Variants in EPS8 observed in about 807,000 individuals in gnomAD.
EPS8 encodes the protein epidermal growth factor receptor kinase substrate 8.
EPS8 carries 42 observed loss-of-function variants against 103.8 expected under a neutral mutation model. The ratio of observed to expected loss-of-function variants is 0.40; its 90% CI spans 0.32 to 0.52. The LOEUF (loss-of-function observed/expected upper bound fraction) is 0.52. Ranked by LOEUF, EPS8 falls within the 20% of genes least tolerant of loss-of-function variation. EPS8 has a pLI of 0.40. For missense variants in EPS8, 969 were observed against 1,005.1 expected, an observed-to-expected ratio of 0.96 and a Z score of 0.49; for synonymous variants, 344 against 344.6, an observed-to-expected ratio of 1.00 and a Z score of 0.02.
chr12:15,657,168 A>T (rs1200913768), intron 12 of EPS8, among the ~76,000 whole-genome samples: 1 of 152,166 alleles, frequency 6.6e-6, no homozygotes, highest in African/African-American at 2.4e-5. Flanking sequence ...TGTTGAAGTC[A>T]CAGCTCTACT....
chr12:15,744,065 G>GA (rs1453883328), intron 1 of EPS8, among the ~76,000 whole-genome samples: 4 of 152,030 alleles, frequency 2.6e-5, no homozygotes, highest in African/African-American at 7.3e-5. Flanking sequence ...AAATTTACAA[G>GA]AAAAAATCAA....
At chr12:15,711,784 T>A (rs946439977) in intron 1 of EPS8, among the ~76,000 whole-genome samples, 37 of 152,198 alleles carry the variant, frequency 2.4e-4, no homozygotes, top group Admixed American at 1.2e-3. Flanking sequence ...TATAAGGGTC[T>A]TAAGAAATAA....
In EPS8 at chr12:15,704,204, T is replaced by C. The variant is rs565667796; in HGVS notation, c.-21-21232A>G. ...AAAAAAATCAAGCATAGAATTACTA[T>C]ATGATCCAGCAGTTCTTCTTCTGGG... On this transcript the variant is annotated intron_variant, in intron 1 of 20. Transcript: ENST00000281172. The surrounding 1 kb of genome is among the most constrained non-coding windows in gnomAD (Gnocchi z 4.6). 4.6e-5 allele frequency among the ~76,000 whole-genome samples: 7 copies of C among 152,246 alleles called. No individual in the cohort carries two copies. The South Asian group carries it at 6.2e-4, about 14-fold the overall frequency.
intron 8 of EPS8, among the ~76,000 whole-genome samples, chr12:15,663,106 C>T (rs534078811): frequency 4.6e-5 from 7 of 152,078 alleles, no homozygotes; most frequent in Admixed American, 3.9e-4. Flanking sequence ...GAAATCTTGC[C>T]AGTTAGCTAC....
At chr12:15,730,571 T>TTTA (rs2135991996) in intron 1 of EPS8, among the ~76,000 whole-genome samples, 1 of 152,298 alleles carries the variant, frequency 6.6e-6, no homozygotes, top group Admixed American at 6.5e-5. Flanking sequence ...CGATGGGACT[T>TTTA]TAAGATAGAT....
rs75871705 is a variant in EPS8, at chr12:15,768,134, G to A, written c.-22+21027C>T. ...AACTATTGAATAATAATAAAAGGAG[G>A]GAAATGAGATTTAAGAATTTTAAGG... On this transcript the variant is annotated intron_variant, in intron 1 of 20. Transcript: ENST00000281172. Among the ~76,000 whole-genome samples, 1,239 of 152,090 alleles carry A rather than the reference G, an allele frequency of 8.1e-3. 17 individuals are homozygous for A. The highest frequency in any genetic ancestry group is 0.028 in the African/African-American group (1,155 of 41,492).
chr12:15,649,437 A>G (rs952352479), intron 14 of EPS8, among the ~76,000 whole-genome samples: 4 of 152,198 alleles, frequency 2.6e-5, no homozygotes, highest in African/African-American at 9.6e-5. Flanking sequence ...GTTTGATTAT[A>G]TTTTCTTTCC....
At chr12:15,708,490 T>A (rs1240288093) in intron 1 of EPS8, among the ~76,000 whole-genome samples, 2 of 152,076 alleles carry the variant, frequency 1.3e-5, no homozygotes, top group Non-Finnish European at 2.9e-5. Flanking sequence ...GGAGGGGAAA[T>A]TATAATACAA....
Position 15,623,181 on chromosome 12 carries a change from T to G in EPS8, c.2332A>C (p.Thr778Pro). Residue 778 changes from threonine to proline, a missense_variant, in exon 20 of 21, where the codon ACT becomes CCT. Thr to Pro is a conservative substitution (Grantham distance 38). Coordinates refer to ENST00000281172, the MANE Select transcript of EPS8 (RefSeq NM_004447.6). ...PEGARVYSQI[T>P]VQKAALEDSS... ...ACCTCCAATGCAGCTTTTTGTACAGTGATTTGGCTATAGACTCTCGCCCCT... is the reference window on the plus strand; with the variant it reads ...ACCTCCAATGCAGCTTTTTGTACAGGGATTTGGCTATAGACTCTCGCCCCT... The G allele has an allele frequency of 1.2e-6, 2 of 1,607,762 alleles. No homozygotes were observed. Among genetic ancestry groups the G allele is most frequent in the Non-Finnish European group, 1.7e-6 (2 of 1,178,154 alleles).
chr12:15,643,834 T>C (rs1357001627), intron 15 of EPS8, among the ~76,000 whole-genome samples: 1 of 150,314 alleles, frequency 6.7e-6, no homozygotes, highest in African/African-American at 2.5e-5. Context: ...TTAGGAATAA[T>C]AGATACGCCA....
rs548537633 is a variant in EPS8 at position 15,678,374 on chromosome 12, A to G, written c.136+2852T>C. On this transcript the variant is annotated intron_variant, in intron 3 of 20. Transcript: ENST00000281172. ...ATTAGAAACAAAGAGGAAAGAAACC[A>G]CATCTGCAATTTAAAGCCATCTTAC... Among the ~76,000 whole-genome samples, 15 of 152,314 alleles carry G rather than the reference A, an allele frequency of 9.8e-5. No individual in the cohort carries two copies. In the East Asian group the frequency reaches 2.1e-3, roughly 22 times the overall value.
rs1947207184 is a variant in EPS8 at position 15,776,403 on chromosome 12, T to C, written c.-22+12758A>G. Among the ~76,000 whole-genome samples the C allele has an allele frequency of 6.6e-6, 1 of 152,134 alleles. No individual in the cohort carries two copies. The highest frequency in any genetic ancestry group is 1.5e-5 in the Non-Finnish European group (1 of 68,024). On this transcript the variant is annotated intron_variant, in intron 1 of 20. Coordinates refer to ENST00000281172, the MANE Select transcript of EPS8 (RefSeq NM_004447.6). This position sits in a 1 kb window ranked among gnomAD's most constrained non-coding sequence, Gnocchi z 4.2. ...GAGAGAAAAAAACAGCTGGCTTAGG[T>C]GAGTGACCTACTCTAAAAACCTTCC...
Position 15,621,391 on chromosome 12 carries a change from T to C in EPS8, c.2395A>G (p.Arg799Gly), listed in dbSNP as rs1591793888. 6.2e-7 allele frequency: 1 copy of C among 1,604,984 alleles called. No homozygotes were observed. Among genetic ancestry groups the C allele is most frequent in the African/African-American group, 1.3e-5 (1 of 74,240 alleles). ...GSSELQEIMRRRQEKISAAAS... is the reference protein window; with the variant it reads ...GSSELQEIMRGRQEKISAAAS... ...GCAGCACTGATTTTTTCCTGTCGTC[T>C]TCTCATAATTTCTTGTAACTCGGAG... Residue 799 changes from arginine (R) to glycine (G), a missense_variant, in exon 21 of 21, where the codon AGA becomes GGA. Physicochemically the swap from Arg to Gly is moderately radical, Grantham distance 125 (BLOSUM62 -2). Transcript: ENST00000281172.
At chr12:15,699,367 T>A (rs1380033472) in intron 1 of EPS8, among the ~76,000 whole-genome samples, 1 of 152,196 alleles carries the variant, frequency 6.6e-6, no homozygotes, top group Non-Finnish European at 1.5e-5. Context: ...TTATCCTATC[T>A]CAGCTTCGGT....
intron 1 of EPS8, among the ~76,000 whole-genome samples, chr12:15,754,307 A>G (rs1016931427): frequency 1.3e-5 from 2 of 152,192 alleles, no homozygotes. Flanking sequence ...CCAAAACTGT[A>G]AGCAGAGGAA....
chr12:15,691,527 G>A (rs1946171907), intron 1 of EPS8, among the ~76,000 whole-genome samples: 2 of 152,188 alleles, frequency 1.3e-5, no homozygotes, highest in Admixed American at 1.3e-4. Context: ...CTGGAAGCGG[G>A]AGACATTCGG....
At position 15,728,866 on chromosome 12, in the gene EPS8, A is replaced by ACAAGC. The variant is rs1334313811; in HGVS notation, c.-21-45899_-21-45895dup. 6.6e-6 allele frequency among the ~76,000 whole-genome samples: 1 copy of ACAAGC among 152,238 alleles called. No individual in the cohort carries two copies. The highest frequency in any genetic ancestry group is 1.5e-5 in the Non-Finnish European group (1 of 68,030). On this transcript the variant is annotated intron_variant, in intron 1 of 20. Coordinates refer to ENST00000281172, the MANE Select transcript of EPS8 (RefSeq NM_004447.6). The surrounding 1 kb of genome is among the most constrained non-coding windows in gnomAD (Gnocchi z 4.5). Reference sequence around the variant, plus strand: ...AGGACACTGTTAAGAAAATGAAAAGACAAGCCACAGACTAGCAGAAAATAT... The same window carrying ACAAGC: ...AGGACACTGTTAAGAAAATGAAAAGACAAGCCAAGCCACAGACTAGCAGAAAATAT...
Position 15,761,832 on chromosome 12 carries a change from C to G in EPS8, c.-22+27329G>C, listed in dbSNP as rs190669707. On this transcript the variant is annotated intron_variant, in intron 1 of 20. Coordinates refer to ENST00000281172, the MANE Select transcript of EPS8 (RefSeq NM_004447.6). The surrounding 1 kb of genome is among the most constrained non-coding windows in gnomAD (Gnocchi z 4.5). ...TCTAAGACCTCAAACTATGAAACTA[C>G]TACAAGAAAACATTGGGGAAACTCT... is the stretch of plus-strand genomic sequence containing the variant. Among the ~76,000 whole-genome samples, 13 of 152,234 alleles carry G rather than the reference C, an allele frequency of 8.5e-5. No homozygotes were observed. The highest frequency in any genetic ancestry group is 3.1e-4 in the African/African-American group (13 of 41,558).
rs1214872280 is a variant in EPS8, at chr12:15,749,103, A to G, written c.-22+40058T>C. 3.3e-5 allele frequency among the ~76,000 whole-genome samples: 5 copies of G among 152,146 alleles called. No individual in the cohort carries two copies. Among genetic ancestry groups the G allele is most frequent in the Non-Finnish European group, 1.5e-5 (1 of 68,030 alleles). ...GAGCTAAATGTAATACTGTTGAACT[A>G]TATTACCTTAATTTGTCATAAAATG... On this transcript the variant is annotated intron_variant, in intron 1 of 20. Coordinates refer to ENST00000281172, the MANE Select transcript of EPS8 (RefSeq NM_004447.6). The surrounding 1 kb of genome is among the most constrained non-coding windows in gnomAD (Gnocchi z 4.0).
Sources: allele counts gnomAD v4.1 joint callset (sites outside exome capture counted in the v4.1 genomes callset), GRCh38; gene constraint gnomAD v4.1.1; non-coding constraint Gnocchi (gnomAD v3.1); transcripts MANE v1.5; gene names NCBI Gene and HGNC (gene_info 2026-07-23, HGNC 2026-07-21).